The following NMBR variants were observed in gnomAD, a reference collection of about 807,000 sequenced individuals.
NMBR encodes the protein neuromedin B receptor.
A neutral mutation model predicts 20.5 loss-of-function variants in NMBR; 16 were observed. The ratio of observed to expected loss-of-function variants is 0.78; its 90% CI spans 0.53 to 1.19. The LOEUF is 1.19. Among genes scored for constraint, NMBR ranks in the 50% most tolerant of loss-of-function variants. The pLI is 0.00. For synonymous variants in NMBR, 212 were observed against 196.6 expected (o/e 1.08, Z -0.65); for missense variants, 582 against 499.1 (o/e 1.17, Z -1.58).
At chr6:142,143,111 A>G (rs906740244) in intron 1 of NMBR, among the ~76,000 whole-genome samples, 11 of 152,098 alleles carry the variant, frequency 7.2e-5, no homozygotes, top group Non-Finnish European at 1.5e-4. Context: ...TAAACTTATG[A>G]GGAATAATTT....
At chr6:142,093,424 T>C (rs1257200512) in intron 1 of NMBR, among the ~76,000 whole-genome samples, 2 of 150,896 alleles carry the variant, frequency 1.3e-5, no homozygotes, top group African/African-American at 4.9e-5. Context: ...GTCCTTGCGA[T>C]AGTTTGCTGA....
intron 1 of NMBR, among the ~76,000 whole-genome samples, chr6:142,096,001 C>A (rs542990037): frequency 6.6e-6 from 1 of 151,504 alleles, no homozygotes; most frequent in Non-Finnish European, 1.5e-5. Flanking sequence ...TGGTGATATC[C>A]CCTTTATCAT....
intron 1 of NMBR, chr6:142,133,044 GT>G (rs1393621922): frequency 2.0e-6 from 1 of 505,184 alleles, no homozygotes; most frequent in Non-Finnish European, 3.6e-6. Context: ...AGTGATGAGT[GT>G]TTTCTGCTGT....
chr6:142,126,494 T>A (rs1309626433), intron 1 of NMBR, among the ~76,000 whole-genome samples: 1 of 151,914 alleles, frequency 6.6e-6, no homozygotes, highest in Non-Finnish European at 1.5e-5. Flanking sequence ...CCTACTGTTT[T>A]CCTTAATGAC....
At chr6:142,096,890 C>T (rs2114576495) in intron 1 of NMBR, among the ~76,000 whole-genome samples, 1 of 151,380 alleles carries the variant, frequency 6.6e-6, no homozygotes, top group South Asian at 2.1e-4. Flanking sequence ...GGATAGTTAG[C>T]TCTTGTTGTT....
intron 1 of NMBR, among the ~76,000 whole-genome samples, chr6:142,139,351 C>G (rs1778324437): frequency 6.6e-6 from 1 of 152,218 alleles, no homozygotes. Flanking sequence ...TTTTTCCACT[C>G]TGACTTTGGG....
Position 142,147,073 on chromosome 6 carries a change from A to G in NMBR, c.-693T>C. ...AGAGAGCGCTAGCGCCATGCGCGGC[A>G]TAAGCGCCAAAATGCTCGGGTCTTC... is the stretch of plus-strand genomic sequence containing the variant. On this transcript the variant is annotated 5_prime_UTR_variant, in exon 1 of 4. It removes an upstream start codon present in the reference 5' UTR. Coordinates refer to ENST00000258042, the MANE Select transcript of NMBR (RefSeq NM_002511.4). 1.8e-6 allele frequency: 1 copy of G among 568,336 alleles called. No individual in the cohort carries two copies. The highest frequency in any genetic ancestry group is 3.2e-6 in the Non-Finnish European group (1 of 316,236). 35.2% of individuals were successfully genotyped at this position (568,336 alleles called of 1,614,324 possible). A position where few individuals can be genotyped will look rare whatever the true frequency, so the allele number is the denominator to read the frequency against.
intron 1 of NMBR, among the ~76,000 whole-genome samples, chr6:142,144,945 C>G (rs912730509): frequency 2.0e-5 from 3 of 150,598 alleles, no homozygotes; most frequent in Non-Finnish European, 4.4e-5. Flanking sequence ...GATCCTTGAG[C>G]CCAGGAGTCC....
chr6:142,118,379 G>C (rs1327008642), intron 1 of NMBR, among the ~76,000 whole-genome samples: 1 of 151,930 alleles, frequency 6.6e-6, no homozygotes, highest in Non-Finnish European at 1.5e-5. Flanking sequence ...TCAGAAGAGA[G>C]GTCCCCAAGT....
intron 2 of NMBR, among the ~76,000 whole-genome samples, chr6:142,079,356 A>G (rs1045526721): frequency 6.6e-6 from 1 of 152,100 alleles, no homozygotes; most frequent in Non-Finnish European, 1.5e-5. Context: ...CTCAGTCTAC[A>G]AGTCATTCCA....
At chr6:142,143,059 T>G (rs920433842) in intron 1 of NMBR, among the ~76,000 whole-genome samples, 19 of 152,206 alleles carry the variant, frequency 1.2e-4, no homozygotes, top group Non-Finnish European at 2.5e-4. Context: ...CCCTCTAGCC[T>G]GGGGGACGGA....
At chr6:142,130,363 T>A (rs1298759393) in intron 1 of NMBR, among the ~76,000 whole-genome samples, 10 of 151,996 alleles carry the variant, frequency 6.6e-5, no homozygotes, top group Admixed American at 6.6e-4. Context: ...ATGTAAGAAA[T>A]GGTCTTAGGG....
At chr6:142,130,526 T>C (rs1778120923) in intron 1 of NMBR, among the ~76,000 whole-genome samples, 1 of 152,160 alleles carries the variant, frequency 6.6e-6, no homozygotes, top group Non-Finnish European at 1.5e-5. Context: ...GCTGTAAATG[T>C]ATGTGTAGAG....
At chr6:142,139,108 T>A (rs1778321204) in intron 1 of NMBR, among the ~76,000 whole-genome samples, 1 of 152,134 alleles carries the variant, frequency 6.6e-6, no homozygotes, top group African/African-American at 2.4e-5. Flanking sequence ...GCCACTGCCA[T>A]ATGAAACAGG....
intron 1 of NMBR, among the ~76,000 whole-genome samples, chr6:142,121,629 T>C (rs992726184): frequency 6.6e-6 from 1 of 151,850 alleles, no homozygotes; most frequent in Non-Finnish European, 1.5e-5. Flanking sequence ...TTTTTTTCAT[T>C]TTCTGTTTTC....
intron 3 of NMBR, among the ~76,000 whole-genome samples, chr6:142,076,370 TTC>T (rs1405818485): frequency 6.6e-6 from 1 of 152,206 alleles, no homozygotes; most frequent in African/African-American, 2.4e-5. Flanking sequence ...TATAAGTCAT[TTC>T]TGTTTGTATT....
intron 2 of NMBR, among the ~76,000 whole-genome samples, chr6:142,084,879 A>C (rs1051981937): frequency 1.3e-5 from 2 of 152,146 alleles, no homozygotes; most frequent in Non-Finnish European, 2.9e-5. Context: ...CCAATACTCC[A>C]CGGGGGGAGG....
chr6:142,103,781 A>G lies in NMBR; in HGVS notation c.-663-14460T>C, dbSNP rs566466548. Among the ~76,000 whole-genome samples the G allele has an allele frequency of 1.4e-4, 21 of 152,292 alleles. No homozygotes were observed. The South Asian group carries it at 4.4e-3, about 32-fold the overall frequency. On this transcript the variant is annotated intron_variant, in intron 1 of 3. Coordinates refer to ENST00000258042, the MANE Select transcript of NMBR (RefSeq NM_002511.4). The stretch of plus-strand genomic sequence containing the variant: ...GCCTGATTTATCATGAAAATCTCAC[A>G]AAGTATTTTCTTGGTATTCAGTTAA...
At chr6:142,105,720 T>A (rs1309273801) in intron 1 of NMBR, among the ~76,000 whole-genome samples, 1 of 152,276 alleles carries the variant, frequency 6.6e-6, no homozygotes, top group Admixed American at 6.5e-5. Flanking sequence ...GTTACATACA[T>A]TAACTACAAT....
Sources: allele counts gnomAD v4.1 joint callset (sites outside exome capture counted in the v4.1 genomes callset), GRCh38; gene constraint gnomAD v4.1.1; transcripts MANE v1.5; gene names NCBI Gene and HGNC (gene_info 2026-07-23, HGNC 2026-07-21).